STXBP5L: variants seen among roughly 807,000 people sequenced by gnomAD.
STXBP5L encodes syntaxin-binding protein 5-like.
In STXBP5L, 65 loss-of-function variants were observed where a neutral mutation model predicts 144.5. The observed-to-expected ratio is 0.45, with a 90% CI of 0.37 to 0.55. The LOEUF (loss-of-function observed/expected upper bound fraction) is 0.55. Among genes scored for constraint, STXBP5L ranks in the 20% least tolerant of loss-of-function variants. The probability of loss-of-function intolerance (pLI) is 0.00; values close to 1 mark genes in which losing one functional copy is unlikely to be tolerated. For synonymous variants in STXBP5L, 505 were observed against 469.6 expected (o/e 1.08, Z -0.97); for missense variants, 1,298 against 1,405.5 (o/e 0.92, Z 1.22).
Position 121,397,348 on chromosome 3 carries a change from C to T in STXBP5L, c.2588-9895C>T, listed in dbSNP as rs562576733. On this transcript the variant is annotated intron_variant, in intron 22 of 26. Coordinates refer to ENST00000471454, the MANE Select transcript of STXBP5L (RefSeq NM_001308330.2). ...TAAATCAGTTAACATTCTCCATTTA[C>T]CTGATTTTTTCTTAATTACGAAAAC... 5.3e-5 allele frequency among the ~76,000 whole-genome samples: 8 copies of T among 152,286 alleles called. No homozygotes were observed. The South Asian group carries it at 1.0e-3, about 20-fold the overall frequency.
chr3:121,359,610 A>G (rs1466852263), intron 20 of STXBP5L, among the ~76,000 whole-genome samples: 1 of 151,882 alleles, frequency 6.6e-6, no homozygotes, highest in Non-Finnish European at 1.5e-5. Context: ...ATCCGTTTTG[A>G]TTTGATTTTC....
intron 2 of STXBP5L, among the ~76,000 whole-genome samples, chr3:120,951,010 C>CT (rs1301681335): frequency 2.0e-5 from 3 of 151,738 alleles, no homozygotes; most frequent in African/African-American, 7.3e-5. Flanking sequence ...ATATCTACAA[C>CT]TATCTGATCT....
At chr3:120,986,018 C>T (rs1164251603) in intron 3 of STXBP5L, among the ~76,000 whole-genome samples, 1 of 151,614 alleles carries the variant, frequency 6.6e-6, no homozygotes, top group Non-Finnish European at 1.5e-5. Flanking sequence ...TTGTTTGAGA[C>T]TTTTTTAAAA....
At chr3:121,176,251 T>C (rs2046927982) in intron 9 of STXBP5L, among the ~76,000 whole-genome samples, 1 of 151,888 alleles carries the variant, frequency 6.6e-6, no homozygotes, top group East Asian at 1.9e-4. Flanking sequence ...ATGCACACCA[T>C]TTTTTTAAAA....
intron 3 of STXBP5L, among the ~76,000 whole-genome samples, chr3:120,957,714 A>T (rs1473671016): frequency 6.6e-6 from 1 of 152,186 alleles, no homozygotes; most frequent in African/African-American, 2.4e-5. Context: ...AACCAACGAG[A>T]ACAAAGATAC....
At chr3:121,105,097 C>T (rs1293747787) in intron 5 of STXBP5L, among the ~76,000 whole-genome samples, 1 of 152,050 alleles carries the variant, frequency 6.6e-6, no homozygotes, top group Non-Finnish European at 1.5e-5. Context: ...ATAGACAGTT[C>T]TCAAAAGATG....
Position 121,190,176 on chromosome 3 carries a change from C to G in STXBP5L, c.878-15747C>G, listed in dbSNP as rs189487918. Among the ~76,000 whole-genome samples the G allele has an allele frequency of 1.1e-4, 17 of 152,150 alleles. No individual in the cohort carries two copies. In the East Asian group the frequency reaches 3.3e-3, roughly 29 times the overall value. On this transcript the variant is annotated intron_variant, in intron 9 of 26. Transcript: ENST00000471454. ...GCGGATAAACATGTGAACAAAGTCTCTGGTTTTCCTAGGCAGAGGGCCCTG... is the reference window on the plus strand; with the variant it reads ...GCGGATAAACATGTGAACAAAGTCTGTGGTTTTCCTAGGCAGAGGGCCCTG...
intron 20 of STXBP5L, among the ~76,000 whole-genome samples, chr3:121,347,782 G>T (rs1274766617): frequency 7.2e-5 from 11 of 152,144 alleles, no homozygotes; most frequent in Non-Finnish European, 1.5e-4. Flanking sequence ...GTATAAGAAT[G>T]CTTGTGATTT....
chr3:121,176,590 A>T (rs1053428967), intron 9 of STXBP5L, among the ~76,000 whole-genome samples: 3 of 151,872 alleles, frequency 2.0e-5, no homozygotes, highest in Non-Finnish European at 4.4e-5. Flanking sequence ...CAAATCAAAA[A>T]TTTAAAAATT....
intron 14 of STXBP5L, among the ~76,000 whole-genome samples, chr3:121,248,792 T>A (rs1030502927): frequency 6.6e-6 from 1 of 152,208 alleles, no homozygotes; most frequent in East Asian, 1.9e-4. Context: ...TACATTTAAA[T>A]CTTTAATCCA....
chr3:121,046,846 TA>T, intron 5 of STXBP5L, among the ~76,000 whole-genome samples: 1 of 152,138 alleles, frequency 6.6e-6, no homozygotes, highest in East Asian at 1.9e-4. Context: ...TTTTGCCTCT[TA>T]GTTTCCTTCA....
At chr3:121,271,908 C>T (rs1311915683) in intron 18 of STXBP5L, among the ~76,000 whole-genome samples, 2 of 152,176 alleles carry the variant, frequency 1.3e-5, no homozygotes, top group African/African-American at 4.8e-5. Context: ...GGGAAGCAAG[C>T]ACATCTTACT....
intron 3 of STXBP5L, among the ~76,000 whole-genome samples, chr3:121,009,622 T>C (rs961551204): frequency 2.0e-5 from 3 of 151,962 alleles, no homozygotes; most frequent in East Asian, 3.9e-4. Context: ...AACACCTACA[T>C]GTTCATAGCT....
At chr3:121,144,856 C>T (rs2045654531) in intron 7 of STXBP5L, among the ~76,000 whole-genome samples, 1 of 151,864 alleles carries the variant, frequency 6.6e-6, no homozygotes, top group Non-Finnish European at 1.5e-5. Flanking sequence ...CAGTATGTGA[C>T]AACATGGATA....
At chr3:121,067,853 T>C (rs1000589720) in intron 5 of STXBP5L, among the ~76,000 whole-genome samples, 3 of 152,230 alleles carry the variant, frequency 2.0e-5, no homozygotes, top group Non-Finnish European at 2.9e-5. Flanking sequence ...TCTTTCTCTG[T>C]AGTAATATAT....
chr3:121,369,354 A>T (rs1241772906), intron 20 of STXBP5L, among the ~76,000 whole-genome samples: 3 of 142,372 alleles, frequency 2.1e-5, no homozygotes, highest in South Asian at 2.3e-4. Flanking sequence ...TTTTTTTTTT[A>T]ATGGTTTCTA....
intron 5 of STXBP5L, among the ~76,000 whole-genome samples, chr3:121,051,598 G>A (rs562006232): frequency 2.6e-5 from 4 of 152,090 alleles, no homozygotes; most frequent in East Asian, 1.9e-4. Context: ...TGTGTAGAGG[G>A]AAATTTATAG....
chr3:121,035,086 GTTGT>G (rs1343541876), intron 3 of STXBP5L, among the ~76,000 whole-genome samples: 1 of 151,982 alleles, frequency 6.6e-6, no homozygotes, highest in Non-Finnish European at 1.5e-5. Context: ...CTGTTGTTGA[GTTGT>G]TTGAGTTCTT....
chr3:121,081,859 G>T (rs1028368946), intron 5 of STXBP5L, among the ~76,000 whole-genome samples: 3 of 152,210 alleles, frequency 2.0e-5, no homozygotes, highest in Admixed American at 6.5e-5. Context: ...TCCCCTGCCA[G>T]ACTAGCAGGA....
Sources: allele counts gnomAD v4.1 joint callset (sites outside exome capture counted in the v4.1 genomes callset), GRCh38; gene constraint gnomAD v4.1.1; transcripts MANE v1.5; gene names NCBI Gene and HGNC (gene_info 2026-07-23, HGNC 2026-07-21).